CSMD1: variants seen among roughly 807,000 people sequenced by gnomAD.
CSMD1 encodes the protein CUB and sushi domain-containing protein 1.
A neutral mutation model predicts 417.5 loss-of-function variants in CSMD1; 213 were observed. The observed-to-expected ratio is 0.51, with a 90% CI of 0.46 to 0.57. CSMD1 has a LOEUF of 0.57. Ranked by LOEUF, CSMD1 falls within the 20% of genes least tolerant of loss-of-function variation. CSMD1 has a pLI of 0.00. For missense variants in CSMD1, 6,923 were observed against 4,529.7 expected, an observed-to-expected ratio of 1.53 and a Z score of -15.17; for synonymous variants, 2,862 against 1,736.8, an observed-to-expected ratio of 1.65 and a Z score of -16.11.
At chr8:3,807,482 AT>A (rs1449115794) in intron 5 of CSMD1, among the ~76,000 whole-genome samples, 5 of 152,176 alleles carry the variant, frequency 3.3e-5, no homozygotes, top group African/African-American at 1.2e-4. Context: ...ATGTCAAGTT[AT>A]CTTTGAAACA....
intron 1 of CSMD1, among the ~76,000 whole-genome samples, chr8:4,644,485 C>T (rs1803392398): frequency 6.6e-6 from 1 of 152,150 alleles, no homozygotes; most frequent in African/African-American, 2.4e-5. Flanking sequence ...TAGCTCACTG[C>T]AGCCTCCACC....
chr8:4,012,622 T>A (rs2740945), intron 4 of CSMD1, among the ~76,000 whole-genome samples: 1 of 151,704 alleles, frequency 6.6e-6, no homozygotes, highest in Non-Finnish European at 1.5e-5. Context: ...TCTGTATGTC[T>A]ACAGTTTTCA....
At chr8:3,658,377 T>C (rs1241975955) in intron 7 of CSMD1, among the ~76,000 whole-genome samples, 1 of 151,330 alleles carries the variant, frequency 6.6e-6, no homozygotes, top group Non-Finnish European at 1.5e-5. Flanking sequence ...TTACTCTTTT[T>C]ATTTGTAAAT....
chr8:3,208,327 T>G (rs1016582525), intron 30 of CSMD1, among the ~76,000 whole-genome samples: 5 of 152,132 alleles, frequency 3.3e-5, no homozygotes, highest in African/African-American at 1.2e-4. Flanking sequence ...AGTGCAGTGG[T>G]GTGATGTCAG....
chr8:4,582,269 C>A (rs1005665438), intron 2 of CSMD1, among the ~76,000 whole-genome samples: 7 of 152,162 alleles, frequency 4.6e-5, no homozygotes, highest in African/African-American at 1.7e-4. Context: ...TGGTCCCGGA[C>A]ATGATCTTCC....
At chr8:4,964,737 A>G (rs1809742027) in intron 1 of CSMD1, among the ~76,000 whole-genome samples, 1 of 152,166 alleles carries the variant, frequency 6.6e-6, no homozygotes, top group African/African-American at 2.4e-5. Context: ...AAAAAAATGA[A>G]AACTTCTTTG....
At chr8:4,176,723 G>T (rs1438879314) in intron 3 of CSMD1, among the ~76,000 whole-genome samples, 1 of 150,444 alleles carries the variant, frequency 6.6e-6, no homozygotes, top group Non-Finnish European at 1.5e-5. Context: ...CAAAATAAAA[G>T]GATGGAGGAA....
At chr8:4,857,156 A>G (rs1358775764) in intron 1 of CSMD1, among the ~76,000 whole-genome samples, 1 of 150,950 alleles carries the variant, frequency 6.6e-6, no homozygotes, top group African/African-American at 2.5e-5. Context: ...CAACCTGCTC[A>G]TGAATGACTA....
At chr8:4,671,638 T>C (rs556182295) in intron 1 of CSMD1, among the ~76,000 whole-genome samples, 1 of 152,294 alleles carries the variant, frequency 6.6e-6, no homozygotes, top group Admixed American at 6.5e-5. Context: ...GAGCTTCAAC[T>C]AAAACGTTTT....
At chr8:3,440,929 C>T (rs575033313) in intron 12 of CSMD1, among the ~76,000 whole-genome samples, 18 of 152,262 alleles carry the variant, frequency 1.2e-4, no homozygotes, top group Non-Finnish European at 2.4e-4. Flanking sequence ...TGTCCCCAGA[C>T]GTGGTGACTG....
intron 36 of CSMD1, chr8:3,183,012 C>A (rs1375270595): frequency 6.7e-6 from 1 of 148,886 alleles, no homozygotes; most frequent in African/African-American, 2.6e-5. Flanking sequence ...CCCGCCTCAG[C>A]CTCCCAAAGT....
intron 5 of CSMD1, among the ~76,000 whole-genome samples, chr8:3,965,288 T>C (rs974495132): frequency 1.3e-5 from 2 of 152,200 alleles, no homozygotes; most frequent in African/African-American, 4.8e-5. Flanking sequence ...AACTCAGGTC[T>C]CTAAGCATGG....
chr8:3,511,239 A>G (rs6991877), intron 10 of CSMD1, among the ~76,000 whole-genome samples: 63,519 of 151,176 alleles, frequency 0.42, 13,830 homozygotes, highest in African/African-American at 0.49. Context: ...GGGGGGTGAG[A>G]GGCTAGGGAA....
At chr8:4,271,510 G>A (rs192348490) in intron 3 of CSMD1, among the ~76,000 whole-genome samples, 248 of 151,704 alleles carry the variant, frequency 1.6e-3, no homozygotes, top group Middle Eastern at 3.4e-3. Context: ...TCAAAATCAG[G>A]AGATCTAAAA....
At position 3,151,413 on chromosome 8, in the gene CSMD1, T is replaced by A; in HGVS notation, c.6015A>T (p.Ser2005=). ...PNNLDCTWRI[S]LPIGYGAHIQ... is the part of the protein sequence containing the mutation. ...TTCACTTACCATAGCCGATGGGTAA[T>A]GAGATCCTCCAGGTGCAGTCTAAGT... Residue 2005 remains serine, a synonymous_variant, in exon 40 of 70, where the codon TCA becomes TCT. Transcript: ENST00000635120. 1 of 1,588,496 alleles carries A rather than the reference T, an allele frequency of 6.3e-7. No individual in the cohort carries two copies. The highest frequency in any genetic ancestry group is 8.6e-7 in the Non-Finnish European group (1 of 1,156,872).
rs1315210037 is a variant in CSMD1 at position 4,696,892 on chromosome 8, G to T, written c.86-59334C>A. Among the ~76,000 whole-genome samples, 3 of 152,298 alleles carry T rather than the reference G, an allele frequency of 2.0e-5. No individual in the cohort carries two copies. In the South Asian group the frequency reaches 6.2e-4, roughly 32 times the overall value. On this transcript the variant is annotated intron_variant, in intron 1 of 69. Transcript: ENST00000635120. ...TGAAACTATGAATTCAAAAAATCAG[G>T]GCCAGGTTCAGTGGCTCATTCCTGT...
intron 3 of CSMD1, among the ~76,000 whole-genome samples, chr8:4,302,647 C>G (rs1798039951): frequency 6.6e-6 from 1 of 152,178 alleles, no homozygotes; most frequent in Non-Finnish European, 1.5e-5. Context: ...AAGGTCAAAA[C>G]TAATAGCTGA....
At chr8:3,854,537 G>C (rs1200595639) in intron 5 of CSMD1, among the ~76,000 whole-genome samples, 1 of 152,060 alleles carries the variant, frequency 6.6e-6, no homozygotes, top group African/African-American at 2.4e-5. Flanking sequence ...CGGGTTATGG[G>C]CAGTTTCATT....
intron 3 of CSMD1, among the ~76,000 whole-genome samples, chr8:4,033,047 A>T (rs537452448): frequency 6.8e-6 from 1 of 147,956 alleles, no homozygotes; most frequent in Non-Finnish European, 1.5e-5. Context: ...TCTCTTCAAT[A>T]CTTTCTTCTA....
Sources: gnomAD v4.1 joint callset for allele counts (sites outside exome capture counted in the v4.1 genomes callset) on GRCh38, gnomAD v4.1.1 for gene constraint, MANE v1.5 for transcripts, NCBI Gene and HGNC (gene_info 2026-07-23, HGNC 2026-07-21) for gene names.